Variants in ZCWPW1 observed in about 807,000 individuals in gnomAD.
ZCWPW1 encodes the protein zinc finger CW-type and PWWP domain containing 1.
Under a neutral mutation model 81.3 loss-of-function variants are expected in ZCWPW1, and 56 were observed. The ratio of observed to expected loss-of-function variants is 0.69; its 90% confidence interval spans 0.56 to 0.86. ZCWPW1 has a LOEUF of 0.86. Among genes scored for constraint, ZCWPW1 ranks in the 40% least tolerant of loss-of-function variants. The pLI is 0.00. For synonymous variants in ZCWPW1, 250 were observed against 273.7 expected (o/e 0.91, Z 0.86); for missense variants, 650 against 769.8 (o/e 0.84, Z 1.84).
At chr7:100,407,429 G>T in intron 10 of ZCWPW1, 126 bp from the exon 11 acceptor site, 1 of 808,722 alleles carries the variant, frequency 1.2e-6, no homozygotes, top group Non-Finnish European at 2.0e-6. Flanking sequence ...GTCTCACTCT[G>T]TCACCCAGGC....
At chr7:100,403,588 C>T (rs1792376044) in intron 15 of ZCWPW1, 106 bp downstream of exon 15, 1 of 892,466 alleles carries the variant, frequency 1.1e-6, no homozygotes, top group Admixed American at 2.5e-5. Flanking sequence ...CTTTGGAAGG[C>T]TGAGGTGGGA....
At chr7:100,420,293 T>C (rs1426384156) in intron 3 of ZCWPW1, among the ~76,000 whole-genome samples, 3 of 152,212 alleles carry the variant, frequency 2.0e-5, no homozygotes, top group Non-Finnish European at 2.9e-5. Flanking sequence ...ACAGCTCTTA[T>C]GCCACCTCCT....
At chr7:100,415,575 G>A (rs1266934826) in intron 8 of ZCWPW1, among the ~76,000 whole-genome samples, 2 of 152,102 alleles carry the variant, frequency 1.3e-5, no homozygotes, top group East Asian at 1.9e-4. Context: ...ATTTCTTTAC[G>A]ATGGCATTCG....
intron 4 of ZCWPW1, 122 bp from the exon 5 acceptor site, chr7:100,419,311 G>A (rs988785824): frequency 4.8e-6 from 4 of 836,388 alleles, no homozygotes; most frequent in South Asian, 1.8e-5. Flanking sequence ...CATGCAGTCA[G>A]CATACCTAAG....
rs772818364 is a variant in ZCWPW1, at chr7:100,403,694, T to G, written c.1413A>C (p.Thr471=). 2 of 1,609,676 alleles carry G rather than the reference T, an allele frequency of 1.2e-6. No homozygotes were observed. Among genetic ancestry groups the G allele is most frequent in the Non-Finnish European group, 1.7e-6 (2 of 1,177,626 alleles). The change falls in exon 15 of 18, where the codon ACA becomes ACC. Residue 471 remains threonine (T), a splice_region_variant and synonymous_variant. Transcript: ENST00000684423. ...EELEKEEGEK[T]DPILPIRKRV... The stretch of plus-strand genomic sequence containing the variant: ...AAACTGAAATTAAAGCTAATCTTAC[T>G]GTTTTCTCTCCTTCCTCCTTTTCCA...
intron 8 of ZCWPW1, among the ~76,000 whole-genome samples, chr7:100,411,498 G>A (rs941080381): frequency 6.6e-6 from 1 of 152,030 alleles, no homozygotes; most frequent in African/African-American, 2.4e-5. Flanking sequence ...TGAACTCCTG[G>A]GCTCAAGTGA....
chr7:100,416,538 G>A, intron 6 of ZCWPW1, 82 bp from the exon 7 acceptor site: 1 of 1,448,250 alleles, frequency 6.9e-7, no homozygotes, highest in Non-Finnish European at 9.5e-7. Context: ...CGAGTAAAAG[G>A]AAGACAGATG....
intron 12 of ZCWPW1, among the ~76,000 whole-genome samples, chr7:100,405,358 C>G (rs1466214977): frequency 1.3e-5 from 2 of 151,442 alleles, no homozygotes; most frequent in East Asian, 3.9e-4. Context: ...ACCCAGGAGG[C>G]AGAGGTTGCA....
At chr7:100,410,620 C>A (rs542452350) in intron 8 of ZCWPW1, among the ~76,000 whole-genome samples, 56 of 152,248 alleles carry the variant, frequency 3.7e-4, no homozygotes, top group African/African-American at 1.3e-3. Context: ...TCATACAGCA[C>A]CCCATTATTT....
rs776630030 is a variant in ZCWPW1, at chr7:100,419,707, T to C, written c.205A>G (p.Met69Val). 133 of 1,614,126 alleles carry C rather than the reference T, an allele frequency of 8.2e-5. No homozygotes were observed. The highest frequency in any genetic ancestry group is 1.1e-4 in the Non-Finnish European group (130 of 1,180,036). ...SLKKKEEKAT[M>V]KNVPSREQEK... ...TGTTCCCTGCTTGGAACATTCTTCATGGTTGCTTTTTCCTCTTTCTTCTTT... is the reference window on the plus strand; with the variant it reads ...TGTTCCCTGCTTGGAACATTCTTCACGGTTGCTTTTTCCTCTTTCTTCTTT... Residue 69 changes from methionine to valine, a missense_variant, in exon 4 of 18, where the codon ATG becomes GTG. Coordinates refer to ENST00000684423, the MANE Select transcript of ZCWPW1 (RefSeq NM_001386010.1).
chr7:100,409,194 T>G (rs559867471), intron 9 of ZCWPW1, among the ~76,000 whole-genome samples: 16 of 152,246 alleles, frequency 1.1e-4, no homozygotes, highest in Non-Finnish European at 2.2e-4. Flanking sequence ...CCAATGCTCA[T>G]GTATTTAGAT....
chr7:100,408,840 A>G (rs1200039305), intron 9 of ZCWPW1, among the ~76,000 whole-genome samples, 181 bp from the exon 10 acceptor site: 1 of 135,048 alleles, frequency 7.4e-6, no homozygotes, highest in East Asian at 2.0e-4. Context: ...AGCTGGAACC[A>G]GCTGAAATGC....
chr7:100,409,511 G>C lies in ZCWPW1; in HGVS notation c.788C>G (p.Pro263Arg), dbSNP rs766135284. ...CAGCCGCCTCCATTTCCCACAGTTT[G>C]GGAAGGAACACTGGACCCAGACCAG... ...QCLVWVQCSF[P>R]NCGKWRRLCG... Residue 263 changes from proline (P) to arginine (R), a missense_variant, in exon 9 of 18, where the codon CCA becomes CGA. Transcript: ENST00000684423. 3 of 1,613,966 alleles carry C rather than the reference G, an allele frequency of 1.9e-6. No individual in the cohort carries two copies. The highest frequency in any genetic ancestry group is 2.5e-6 in the Non-Finnish European group (3 of 1,179,986).
Position 100,415,998 on chromosome 7 carries a change from T to C in ZCWPW1, c.731A>G (p.Gln244Arg). The change falls in exon 8 of 18, where the codon CAA becomes CGA. Residue 244 changes from glutamine to arginine, a missense_variant. Coordinates refer to ENST00000684423, the MANE Select transcript of ZCWPW1 (RefSeq NM_001386010.1). ...ACCAAAACCACTTATCTCTCCTTTT[T>C]GCTGGTCCCTGATCTGAGAATGATC... ...VQDHSQIRDQQKGEISGFGQC... is the reference protein window; with the variant it reads ...VQDHSQIRDQRKGEISGFGQC... The C allele has an allele frequency of 1.2e-6, 2 of 1,614,194 alleles. No homozygotes were observed. The highest frequency in any genetic ancestry group is 8.5e-7 in the Non-Finnish European group (1 of 1,180,038).
intron 4 of ZCWPW1, 80 bp from the exon 5 acceptor site, chr7:100,419,269 C>A: frequency 8.3e-7 from 1 of 1,209,054 alleles, no homozygotes; most frequent in Non-Finnish European, 1.2e-6. Context: ...AAGCCTCCTT[C>A]AGATGAGGCA....
intron 2 of ZCWPW1, among the ~76,000 whole-genome samples, chr7:100,424,499 A>G (rs1480674783): frequency 6.6e-6 from 1 of 152,034 alleles, no homozygotes; most frequent in Non-Finnish European, 1.5e-5. Context: ...GTCTTGCTCT[A>G]TCACCAGGCT....
chr7:100,421,795 C>T (rs1350091419), intron 2 of ZCWPW1, among the ~76,000 whole-genome samples: 5 of 152,170 alleles, frequency 3.3e-5, no homozygotes, highest in East Asian at 3.9e-4. Flanking sequence ...CGGGTTCAAG[C>T]GATTCTCCTG....
intron 3 of ZCWPW1, among the ~76,000 whole-genome samples, chr7:100,420,249 T>G (rs770007006): frequency 2.0e-5 from 3 of 152,220 alleles, no homozygotes; most frequent in Non-Finnish European, 4.4e-5. Context: ...TTAGAGCAAA[T>G]TTTTAAAAAC....
chr7:100,415,076 T>TA (rs1794958530), intron 8 of ZCWPW1, among the ~76,000 whole-genome samples: 5 of 54,334 alleles, frequency 9.2e-5, no homozygotes, highest in Non-Finnish European at 2.0e-4. Flanking sequence ...TCCGTACCCA[T>TA]TTTTTTTTTT....
Sources: gnomAD v4.1 joint callset for allele counts (sites outside exome capture counted in the v4.1 genomes callset) on GRCh38, gnomAD v4.1.1 for gene constraint, MANE v1.5 for transcripts, NCBI Gene and HGNC (gene_info 2026-07-23, HGNC 2026-07-21) for gene names.